The following BMPR1B variants were observed in gnomAD, a reference collection of about 807,000 sequenced individuals.
BMPR1B encodes bone morphogenetic protein receptor type 1B, also known as bone morphogenetic protein receptor type-1B.
In BMPR1B, 12 loss-of-function variants were observed where a neutral mutation model predicts 59.1. That is an observed-to-expected ratio of 0.20 (90% confidence interval 0.13 to 0.33). The LOEUF is 0.33. Among genes scored for constraint, BMPR1B ranks in the 10% least tolerant of loss-of-function variants. BMPR1B has a pLI of 1.00. For synonymous variants in BMPR1B, 237 were observed against 207.3 expected, an observed-to-expected ratio of 1.14 and a Z score of -1.23; for missense variants, 550 against 610.9, an observed-to-expected ratio of 0.90 and a Z score of 1.05.
At chr4:94,970,296 CTTCTCTTCT>C (rs1293876486) in intron 2 of BMPR1B, among the ~76,000 whole-genome samples, 6 of 83,798 alleles carry the variant, frequency 7.2e-5, no homozygotes, top group Non-Finnish European at 1.2e-4. Context: ...CTTCTCTTCT[CTTCTCTTCT>C]TTCTCTCTCT....
intron 2 of BMPR1B, among the ~76,000 whole-genome samples, chr4:94,985,197 G>A (rs1721321445): frequency 6.6e-6 from 1 of 152,090 alleles, no homozygotes; most frequent in African/African-American, 2.4e-5. Context: ...GCCAGAGGAG[G>A]TCTTGATTAA....
At chr4:94,838,571 T>C (rs1390149153) in intron 1 of BMPR1B, among the ~76,000 whole-genome samples, 5 of 138,388 alleles carry the variant, frequency 3.6e-5, no homozygotes, top group Non-Finnish European at 7.9e-5. Context: ...TATTCTCTGA[T>C]GGTAGTTTGT....
chr4:94,930,959 G>GA (rs996911822), intron 2 of BMPR1B, among the ~76,000 whole-genome samples: 15 of 150,644 alleles, frequency 1.0e-4, no homozygotes, highest in African/African-American at 2.2e-4. Context: ...TGAGGACTAA[G>GA]AAAAAAAAAT....
chr4:94,919,494 A>T (rs1728609760), intron 2 of BMPR1B, among the ~76,000 whole-genome samples: 4 of 152,174 alleles, frequency 2.6e-5, no homozygotes, highest in African/African-American at 9.7e-5. Context: ...TAAATTTTAA[A>T]AACTGGACGT....
chr4:95,003,911 G>A (rs931456213), intron 3 of BMPR1B, among the ~76,000 whole-genome samples: 7 of 146,250 alleles, frequency 4.8e-5, no homozygotes, highest in African/African-American at 1.3e-4. Context: ...AAGTTCAAGC[G>A]ATTCTTCTGC....
intron 1 of BMPR1B, among the ~76,000 whole-genome samples, chr4:94,790,876 A>G (rs752072893): frequency 5.9e-5 from 9 of 152,112 alleles, no homozygotes; most frequent in Non-Finnish European, 1.0e-4. Flanking sequence ...TTATAGTTCT[A>G]AGTAGTGTTT....
At chr4:94,840,801 G>T (rs1224026110) in intron 1 of BMPR1B, among the ~76,000 whole-genome samples, 1 of 148,668 alleles carries the variant, frequency 6.7e-6, no homozygotes, top group Non-Finnish European at 1.5e-5. Context: ...TTCCGTTGCT[G>T]GTGAGGAACT....
chr4:94,802,499 G>A (rs774825583), intron 1 of BMPR1B, among the ~76,000 whole-genome samples: 2 of 152,174 alleles, frequency 1.3e-5, no homozygotes, highest in South Asian at 2.1e-4. Context: ...TAGAGAAGGC[G>A]TTGTGGTGAA....
chr4:95,066,827 T>G (rs568414333), intron 3 of BMPR1B, among the ~76,000 whole-genome samples: 5 of 152,194 alleles, frequency 3.3e-5, no homozygotes, highest in Non-Finnish European at 7.4e-5. Context: ...TGTTATGCAT[T>G]AAACTTTGAG....
intron 8 of BMPR1B, among the ~76,000 whole-genome samples, 153 bp downstream of exon 8, chr4:95,125,274 A>T (rs1732827250): frequency 6.6e-6 from 1 of 152,218 alleles, no homozygotes; most frequent in Non-Finnish European, 1.5e-5. Flanking sequence ...GGGCTTCCTG[A>T]TAACATTTTG....
chr4:95,132,074 T>G (rs3796441), intron 10 of BMPR1B, among the ~76,000 whole-genome samples: 25,575 of 152,148 alleles, frequency 0.17, 4,809 homozygotes, highest in African/African-American at 0.47. Flanking sequence ...AGTAGCTTCT[T>G]CACAGTAGGG....
At chr4:94,977,862 A>T (rs1731089498) in intron 2 of BMPR1B, among the ~76,000 whole-genome samples, 1 of 152,224 alleles carries the variant, frequency 6.6e-6, no homozygotes, top group African/African-American at 2.4e-5. Context: ...AAGAAGCAAA[A>T]GGAAGCCAGG....
intron 2 of BMPR1B, among the ~76,000 whole-genome samples, chr4:94,894,661 A>G (rs555293270): frequency 6.6e-6 from 1 of 151,892 alleles, no homozygotes; most frequent in African/African-American, 2.4e-5. Flanking sequence ...AAAACTAGGC[A>G]TTTATTTTCC....
At chr4:94,855,959 C>T (rs1011542825) in intron 1 of BMPR1B, among the ~76,000 whole-genome samples, 8 of 152,106 alleles carry the variant, frequency 5.3e-5, no homozygotes, top group African/African-American at 1.9e-4. Context: ...TAAAATAAAA[C>T]TTCGAATAAC....
At chr4:94,868,837 A>G (rs951445088) in intron 1 of BMPR1B, among the ~76,000 whole-genome samples, 2 of 152,216 alleles carry the variant, frequency 1.3e-5, no homozygotes, top group African/African-American at 4.8e-5. Flanking sequence ...ATTTCACCTC[A>G]AGTATTCCCA....
chr4:94,840,947 G>A (rs1725034483), intron 1 of BMPR1B, among the ~76,000 whole-genome samples: 1 of 146,692 alleles, frequency 6.8e-6, no homozygotes, highest in African/African-American at 2.5e-5. Flanking sequence ...TTTTGGTGTG[G>A]ATGTCCTTTC....
At chr4:94,850,138 C>T (rs2148946006) in intron 1 of BMPR1B, among the ~76,000 whole-genome samples, 1 of 152,132 alleles carries the variant, frequency 6.6e-6, no homozygotes, top group East Asian at 1.9e-4. Context: ...AGGGAGATTA[C>T]AACATAATCC....
At chr4:94,784,606 C>T (rs2110591736) in intron 1 of BMPR1B, among the ~76,000 whole-genome samples, 1 of 152,162 alleles carries the variant, frequency 6.6e-6, no homozygotes, top group South Asian at 2.1e-4. Flanking sequence ...GATCTTCCTG[C>T]CTTGGCCTCT....
chr4:94,961,431 A>G (rs554383664), intron 2 of BMPR1B, among the ~76,000 whole-genome samples: 13 of 152,038 alleles, frequency 8.6e-5, no homozygotes, highest in Non-Finnish European at 1.8e-4. Context: ...CACTGATTTC[A>G]TTTGTCTTTC....
Sources: allele counts gnomAD v4.1 joint callset (sites outside exome capture counted in the v4.1 genomes callset), GRCh38; gene constraint gnomAD v4.1.1; transcripts MANE v1.5; gene names NCBI Gene and HGNC (gene_info 2026-07-23, HGNC 2026-07-21).